The following TMEM178B variants were observed in gnomAD, a reference collection of about 807,000 sequenced individuals.
The protein encoded by TMEM178B is transmembrane protein 178B.
A neutral mutation model predicts 31.0 loss-of-function variants in TMEM178B; 5 were observed. The observed-to-expected ratio is 0.16, with a 90% CI of 0.08 to 0.34. The LOEUF (loss-of-function observed/expected upper bound fraction) is 0.34. TMEM178B is among the 10% of genes least tolerant of loss of function. TMEM178B has a pLI of 1.00. For synonymous variants in TMEM178B, 164 were observed against 164.0 expected, an observed-to-expected ratio of 1.00 and a Z score of 0.00; for missense variants, 275 against 400.3, an observed-to-expected ratio of 0.69 and a Z score of 2.67.
chr7:141,200,182 A>G (rs1796853282), intron 1 of TMEM178B, among the ~76,000 whole-genome samples: 1 of 152,034 alleles, frequency 6.6e-6, no homozygotes, highest in African/African-American at 2.4e-5. Context: ...TGCCTGGCCC[A>G]TTTTTATTTC....
intron 1 of TMEM178B, among the ~76,000 whole-genome samples, chr7:141,101,962 A>T (rs937140050): frequency 4.7e-5 from 7 of 148,770 alleles, no homozygotes; most frequent in African/African-American, 1.7e-4. Flanking sequence ...CTCATACTGT[A>T]TGCTTAGTTA....
the TMEM178B span, among the ~76,000 whole-genome samples, chr7:141,496,669 C>CAAAAAAAA: frequency 3.9e-3 from 130 of 33,250 alleles, 2 homozygotes; most frequent in African/African-American, 0.014. Context: ...GACTCCGTCT[C>CAAAAAAAA]AAAAAAAAAA....
chr7:141,454,357 G>T (rs1263547105), intron 3 of TMEM178B, among the ~76,000 whole-genome samples: 1 of 152,008 alleles, frequency 6.6e-6, no homozygotes, highest in Non-Finnish European at 1.5e-5. Context: ...GCCTTACAGA[G>T]AAGTGACTGC....
At chr7:141,269,717 C>T (rs958659603) in intron 2 of TMEM178B, among the ~76,000 whole-genome samples, 1 of 152,128 alleles carries the variant, frequency 6.6e-6, no homozygotes, top group African/African-American at 2.4e-5. Flanking sequence ...ATATCGATGA[C>T]TTTATGTCTT....
chr7:141,257,399 A>C (rs1380137351), intron 2 of TMEM178B, among the ~76,000 whole-genome samples: 1 of 152,248 alleles, frequency 6.6e-6, no homozygotes, highest in Non-Finnish European at 1.5e-5. Flanking sequence ...AGATGTTGAC[A>C]CAAAAAATCT....
intron 1 of TMEM178B, among the ~76,000 whole-genome samples, chr7:141,200,942 T>G (rs1281645656): frequency 6.6e-6 from 1 of 152,190 alleles, no homozygotes; most frequent in Non-Finnish European, 1.5e-5. Flanking sequence ...AGGATGGGGA[T>G]GGCCTGCTGA....
intron 3 of TMEM178B, among the ~76,000 whole-genome samples, chr7:141,443,418 G>A (rs1222951244): frequency 6.6e-6 from 1 of 152,144 alleles, no homozygotes; most frequent in African/African-American, 2.4e-5. Context: ...AGCTGTAGCT[G>A]TTTCTCAGAC....
intron 2 of TMEM178B, among the ~76,000 whole-genome samples, chr7:141,390,668 T>G (rs1055583184): frequency 1.3e-5 from 2 of 152,240 alleles, no homozygotes; most frequent in African/African-American, 4.8e-5. Context: ...TGATTAGACA[T>G]TTTAGACATA....
chr7:141,195,988 C>T (rs1796776872), intron 1 of TMEM178B, among the ~76,000 whole-genome samples: 1 of 152,116 alleles, frequency 6.6e-6, no homozygotes, highest in African/African-American at 2.4e-5. Flanking sequence ...CCCCTGGGTC[C>T]CTCCCACAAC....
At chr7:141,425,890 T>G (rs1459152900) in intron 2 of TMEM178B, among the ~76,000 whole-genome samples, 1 of 152,214 alleles carries the variant, frequency 6.6e-6, no homozygotes, top group East Asian at 1.9e-4. Context: ...AACCACTTCT[T>G]GTTTCCACAG....
At chr7:141,246,783 G>A (rs1797737675) in intron 2 of TMEM178B, among the ~76,000 whole-genome samples, 1 of 152,160 alleles carries the variant, frequency 6.6e-6, no homozygotes, top group Non-Finnish European at 1.5e-5. Flanking sequence ...TCAGAGTACA[G>A]AAGGGCCTGA....
At chr7:141,437,242 T>G (rs923227807) in intron 2 of TMEM178B, among the ~76,000 whole-genome samples, 2 of 152,286 alleles carry the variant, frequency 1.3e-5, no homozygotes, top group Admixed American at 1.3e-4. Context: ...TACCGCTTAC[T>G]AGCAGTGTGC....
intron 2 of TMEM178B, among the ~76,000 whole-genome samples, chr7:141,238,940 T>C (rs749423066): frequency 1.3e-5 from 2 of 152,174 alleles, no homozygotes; most frequent in African/African-American, 4.8e-5. Flanking sequence ...GCTTCACGAG[T>C]AGGTTAGCTC....
intron 2 of TMEM178B, among the ~76,000 whole-genome samples, chr7:141,278,832 A>C (rs1033909431): frequency 6.6e-6 from 1 of 152,140 alleles, no homozygotes; most frequent in African/African-American, 2.4e-5. Context: ...AAATTTAAGA[A>C]TAATCGTGTA....
At chr7:141,338,516 G>A (rs1290887056) in intron 2 of TMEM178B, among the ~76,000 whole-genome samples, 1 of 152,154 alleles carries the variant, frequency 6.6e-6, no homozygotes, top group Non-Finnish European at 1.5e-5. Context: ...ATTTGATATT[G>A]GATGGGGATG....
intron 2 of TMEM178B, among the ~76,000 whole-genome samples, chr7:141,331,368 G>C (rs1799297283): frequency 6.6e-6 from 1 of 152,202 alleles, no homozygotes. Flanking sequence ...TCTGTGGTCT[G>C]TGAGTTGTTG....
At chr7:141,204,265 A>C (rs747678937) in intron 1 of TMEM178B, among the ~76,000 whole-genome samples, 1 of 152,166 alleles carries the variant, frequency 6.6e-6, no homozygotes, top group East Asian at 1.9e-4. Context: ...GTTCAATTCC[A>C]GGGGGACCCT....
intron 2 of TMEM178B, among the ~76,000 whole-genome samples, chr7:141,359,369 T>C (rs1755654658): frequency 6.6e-6 from 1 of 152,206 alleles, no homozygotes; most frequent in Admixed American, 6.5e-5. Context: ...TGAATCTCTC[T>C]TTACCATTTT....
chr7:141,137,296 G>C (rs1214661767), intron 1 of TMEM178B, among the ~76,000 whole-genome samples: 1 of 152,144 alleles, frequency 6.6e-6, no homozygotes, highest in Non-Finnish European at 1.5e-5. Flanking sequence ...CAATAGCCAA[G>C]ATACGGAATC....
Sources: gnomAD v4.1 joint callset for allele counts (sites outside exome capture counted in the v4.1 genomes callset) on GRCh38, gnomAD v4.1.1 for gene constraint, MANE v1.5 for transcripts, NCBI Gene and HGNC (gene_info 2026-07-23, HGNC 2026-07-21) for gene names.